The following USP38 variants were observed in gnomAD, a reference collection of about 807,000 sequenced individuals.
USP38 encodes ubiquitin specific peptidase 38.
In USP38, 49 loss-of-function variants were observed where a neutral mutation model predicts 94.3. That is an observed-to-expected ratio of 0.52 (90% CI 0.41 to 0.66). USP38 has a LOEUF of 0.66. Ranked by LOEUF, USP38 falls within the 30% of genes least tolerant of loss-of-function variation. The pLI is 0.00. For missense variants in USP38, 1,128 were observed against 1,229.4 expected (o/e 0.92, Z 1.23); for synonymous variants, 468 against 463.6 (o/e 1.01, Z -0.12).
At chr4:143,216,360 A>T (rs1732181402) in intron 9 of USP38, among the ~76,000 whole-genome samples, 1 of 152,188 alleles carries the variant, frequency 6.6e-6, no homozygotes, top group Non-Finnish European at 1.5e-5. Context: ...GTTTGATGCA[A>T]GAAAAGATAC....
chr4:143,185,928 A>G lies in USP38; in HGVS notation c.478A>G (p.Lys160Glu). 3.1e-6 allele frequency: 5 copies of G among 1,614,146 alleles called. No individual in the cohort carries two copies. The highest frequency in any genetic ancestry group is 2.2e-5 in the East Asian group (1 of 44,868). The change falls in exon 1 of 10, where the codon AAG becomes GAG. Residue 160 changes from lysine (K) to glutamate (E), a missense_variant. Transcript: ENST00000307017. Reference protein sequence around the residue: ...LLTDFVQCIPKGKLSITFCQQ... With the variant: ...LLTDFVQCIPEGKLSITFCQQ... The stretch of plus-strand genomic sequence containing the variant: ...GACCGACTTTGTGCAATGCATCCCC[A>G]AGGGGAAATTGTCCATCACGTTCTG...
chr4:143,189,033 A>C (rs1731314357), intron 2 of USP38, among the ~76,000 whole-genome samples: 1 of 152,094 alleles, frequency 6.6e-6, no homozygotes, highest in African/African-American at 2.4e-5. Flanking sequence ...GTTTGAAAAA[A>C]AAGCAGACAA....
intron 9 of USP38, among the ~76,000 whole-genome samples, chr4:143,216,108 T>C (rs1732175936): frequency 6.6e-6 from 1 of 152,152 alleles, no homozygotes; most frequent in Non-Finnish European, 1.5e-5. Context: ...AATGCTTGTA[T>C]AGCCATAGCA....
chr4:143,214,953 A>G lies in USP38; in HGVS notation c.2967+10A>G. 1 of 1,605,064 alleles carries G rather than the reference A, an allele frequency of 6.2e-7. No homozygotes were observed. The highest frequency in any genetic ancestry group is 8.5e-7 in the Non-Finnish European group (1 of 1,176,176). Reference sequence around the variant, plus strand: ...TAAACTATATTTACAGGTAAGTTGGAAATACAAGCTTTATTTGTTGAAAAT... The same window carrying G: ...TAAACTATATTTACAGGTAAGTTGGGAATACAAGCTTTATTTGTTGAAAAT... On this transcript the variant is annotated intron_variant, in intron 9 of 9. Transcript: ENST00000307017.
At chr4:143,186,403 C>G (rs1209885006) in intron 1 of USP38, among the ~76,000 whole-genome samples, 1 of 152,320 alleles carries the variant, frequency 6.6e-6, no homozygotes, top group East Asian at 1.9e-4. Context: ...TACCCAGCCT[C>G]TGCTCAAGTT....
At chr4:143,200,012 G>A (rs543488357) in intron 4 of USP38, among the ~76,000 whole-genome samples, 54 of 152,198 alleles carry the variant, frequency 3.5e-4, no homozygotes, top group African/African-American at 1.3e-3. Context: ...TGCTTTTGTA[G>A]CAATTGCTTT....
intron 5 of USP38, among the ~76,000 whole-genome samples, chr4:143,204,013 G>T (rs1015131694): frequency 6.8e-6 from 1 of 146,886 alleles, no homozygotes; most frequent in Non-Finnish European, 1.5e-5. Flanking sequence ...ACCAAGTCTC[G>T]CTCTGTCACC....
Position 143,187,962 on chromosome 4 carries a change from G to A in USP38, c.818+1G>A, listed in dbSNP as rs761009272. 1 of 1,608,530 alleles carries A rather than the reference G, an allele frequency of 6.2e-7. No individual in the cohort carries two copies. Among genetic ancestry groups the A allele is most frequent in the Non-Finnish European group, 8.5e-7 (1 of 1,178,170 alleles). ...CAAGTATGACCCAAGCCCTTTGCAG[G>A]TACTTCTTCATGACACTATTAATGG... On this transcript the variant is annotated splice_donor_variant, in intron 2 of 9. Coordinates refer to ENST00000307017, the MANE Select transcript of USP38 (RefSeq NM_032557.6). LOFTEE classifies it high-confidence loss of function.
Position 143,223,009 on chromosome 4 carries a change from C to T in USP38, c.*2553C>T, listed in dbSNP as rs553869487. On this transcript the variant is annotated 3_prime_UTR_variant, in exon 10 of 10. Transcript: ENST00000307017. ...TGCTGCTAAGAAGCATTAGGCTTCA[C>T]TGCTAGCAAAAATGAAAAACTACAA... is the stretch of plus-strand genomic sequence containing the variant. 1 of 152,228 alleles carries T rather than the reference C, an allele frequency of 6.6e-6. No individual in the cohort carries two copies. Among genetic ancestry groups the T allele is most frequent in the African/African-American group, 2.4e-5 (1 of 41,552 alleles). 9.4% of individuals were successfully genotyped at this position (152,228 alleles called of 1,614,324 possible).
chr4:143,211,133 A>C (rs1732012943), intron 7 of USP38, among the ~76,000 whole-genome samples: 1 of 152,062 alleles, frequency 6.6e-6, no homozygotes, highest in African/African-American at 2.4e-5. Context: ...AATCAGAGCT[A>C]TTAGGAAAAA....
At position 143,223,097 on chromosome 4, in the gene USP38, A is replaced by G. The variant is rs536351044; in HGVS notation, c.*2641A>G. ...TTAAAGTAAAAAATTGTTTAGAGAT[A>G]TGCAAAGAAGGAAATATATATGATG... On this transcript the variant is annotated 3_prime_UTR_variant, in exon 10 of 10. Coordinates refer to ENST00000307017, the MANE Select transcript of USP38 (RefSeq NM_032557.6). The G allele has an allele frequency of 6.6e-6, 1 of 152,296 alleles. No individual in the cohort carries two copies. Among genetic ancestry groups the G allele is most frequent in the Non-Finnish European group, 1.5e-5 (1 of 67,996 alleles). 9.4% of individuals were successfully genotyped at this position (152,296 alleles called of 1,614,324 possible).
At chr4:143,199,939 G>A (rs1731663460) in intron 4 of USP38, among the ~76,000 whole-genome samples, 1 of 152,124 alleles carries the variant, frequency 6.6e-6, no homozygotes, top group South Asian at 2.1e-4. Context: ...TGTTTACTCT[G>A]TTGATAGTTT....
rs567961632 is a variant in USP38, at chr4:143,185,000, C to G, written c.-451C>G. 317 of 158,876 alleles carry G rather than the reference C, an allele frequency of 2.0e-3. 1 individual carries two copies. The highest frequency in any genetic ancestry group is 7.1e-3 in the African/African-American group (296 of 41,718). The allele number at this position is 158,876 out of a possible 1,614,324, so 9.8% of individuals were successfully genotyped here. On this transcript the variant is annotated 5_prime_UTR_variant, in exon 1 of 10. Transcript: ENST00000307017. ...CACTCTCCGTGACAGCGCCTCCTGACTCAGCCCAGGACCGGCTTCTTCTCA... is the reference window on the plus strand; with the variant it reads ...CACTCTCCGTGACAGCGCCTCCTGAGTCAGCCCAGGACCGGCTTCTTCTCA...
At chr4:143,217,863 T>C (rs895254643) in intron 9 of USP38, among the ~76,000 whole-genome samples, 6 of 152,174 alleles carry the variant, frequency 3.9e-5, no homozygotes, top group Non-Finnish European at 8.8e-5. Context: ...AAATTGTGGA[T>C]CTCGAAGTAA....
chr4:143,207,748 A>G (rs1256740184), intron 6 of USP38, among the ~76,000 whole-genome samples: 1 of 151,970 alleles, frequency 6.6e-6, no homozygotes, highest in Non-Finnish European at 1.5e-5. Context: ...CCATCTTACC[A>G]CCAGAGGTCA....
intron 2 of USP38, among the ~76,000 whole-genome samples, chr4:143,192,215 C>T (rs998868736): frequency 6.6e-6 from 1 of 152,148 alleles, no homozygotes; most frequent in Non-Finnish European, 1.5e-5. Flanking sequence ...CTTTCTTAGT[C>T]TGTTTGGGCT....
In USP38 at chr4:143,221,334, T is replaced by C. The variant is rs1029714346; in HGVS notation, c.*878T>C. 6.6e-6 allele frequency: 1 copy of C among 152,170 alleles called. No individual in the cohort carries two copies. Among genetic ancestry groups the C allele is most frequent in the Non-Finnish European group, 1.5e-5 (1 of 67,886 alleles). The allele number at this position is 152,170 out of a possible 1,614,324, so 9.4% of individuals were successfully genotyped here. A position where few individuals can be genotyped will look rare whatever the true frequency, so the allele number is the denominator to read the frequency against. ...TTATAACTTTTTGAAAGGTAATAGA[T>C]TTTCCAGAAGTAAAATCTGATGGTT... On this transcript the variant is annotated 3_prime_UTR_variant, in exon 10 of 10. Transcript: ENST00000307017.
At position 143,213,664 on chromosome 4, in the gene USP38, A is replaced by G; in HGVS notation, c.1688A>G (p.Gln563Arg). 1.2e-6 allele frequency: 2 copies of G among 1,613,550 alleles called. No individual in the cohort carries two copies. Among genetic ancestry groups the G allele is most frequent in the African/African-American group, 1.3e-5 (1 of 75,028 alleles). The stretch of plus-strand genomic sequence containing the variant: ...CTGGAATGCAGTGAAACTTCTTTAC[A>G]GGAAGTAGCTAGTAAAGCAGCAGTA... Reference protein sequence around the residue: ...EILECSETSLQEVASKAAVLT... With the variant: ...EILECSETSLREVASKAAVLT... The change falls in exon 9 of 10, where the codon CAG (glutamine) becomes CGG (arginine). Residue 563 changes from glutamine (Q) to arginine (R), a missense_variant. Coordinates refer to ENST00000307017, the MANE Select transcript of USP38 (RefSeq NM_032557.6).
At chr4:143,209,482 T>C (rs982164086) in intron 6 of USP38, 82 bp from the exon 7 acceptor site, 2 of 818,462 alleles carry the variant, frequency 2.4e-6, no homozygotes, top group East Asian at 3.1e-5. Flanking sequence ...AAAAGGAAAC[T>C]CTGTCTCAAA....
Sources: gnomAD v4.1 joint callset for allele counts (sites outside exome capture counted in the v4.1 genomes callset) on GRCh38, gnomAD v4.1.1 for gene constraint, MANE v1.5 for transcripts, NCBI Gene and HGNC (gene_info 2026-07-23, HGNC 2026-07-21) for gene names.